Variants in GPR139 observed in about 807,000 individuals in gnomAD.
GPR139 encodes the protein G protein-coupled receptor 139.
GPR139 carries 12 observed loss-of-function variants against 25.8 expected under a neutral mutation model. That is an observed-to-expected ratio of 0.47 (90% CI 0.30 to 0.75). GPR139 has a LOEUF of 0.75. Among genes scored for constraint, GPR139 ranks in the 30% least tolerant of loss-of-function variants. The pLI, the probability that GPR139 is intolerant of heterozygous loss-of-function variation, is 0.07. For synonymous variants in GPR139, 184 were observed against 179.9 expected (o/e 1.02, Z -0.18); for missense variants, 380 against 450.2 (o/e 0.84, Z 1.41).
intron 1 of GPR139, among the ~76,000 whole-genome samples, chr16:20,041,834 G>A (rs1276222774): frequency 6.6e-6 from 1 of 152,198 alleles, no homozygotes; most frequent in Non-Finnish European, 1.5e-5. Flanking sequence ...GGTTAGTAGA[G>A]GCACGAAGCT....
intron 1 of GPR139, among the ~76,000 whole-genome samples, chr16:20,040,874 G>A (rs1464960508): frequency 2.6e-5 from 4 of 152,044 alleles, no homozygotes; most frequent in African/African-American, 7.2e-5. Context: ...GGGGTCTTAA[G>A]AATAGGAAAG....
At chr16:20,041,881 A>G (rs2057337892) in intron 1 of GPR139, among the ~76,000 whole-genome samples, 1 of 152,058 alleles carries the variant, frequency 6.6e-6, no homozygotes, top group Non-Finnish European at 1.5e-5. Flanking sequence ...AGGCAGTGGT[A>G]CCCTCCTACC....
At chr16:20,062,602 C>T (rs868494143) in intron 1 of GPR139, among the ~76,000 whole-genome samples, 41 of 152,294 alleles carry the variant, frequency 2.7e-4, no homozygotes, top group African/African-American at 9.1e-4. Flanking sequence ...GTGATTTTTG[C>T]TGCATTCTTG....
intron 1 of GPR139, among the ~76,000 whole-genome samples, chr16:20,040,920 C>T (rs1197746835): frequency 2.0e-5 from 3 of 151,908 alleles, no homozygotes; most frequent in Admixed American, 6.6e-5. Flanking sequence ...TTCCTGGAGT[C>T]ACCTTCTACA....
chr16:20,051,759 G>A lies in GPR139; in HGVS notation c.128-19090C>T, dbSNP rs140655720. ...CCAACCTGCTCCAGCTGAGTTCAGCGGGTGAAGGTAGTTTGCTTCCTCATG... is the reference window on the plus strand; with the variant it reads ...CCAACCTGCTCCAGCTGAGTTCAGCAGGTGAAGGTAGTTTGCTTCCTCATG... On this transcript the variant is annotated intron_variant, in intron 1 of 1. Coordinates refer to ENST00000570682, the MANE Select transcript of GPR139 (RefSeq NM_001002911.4). Among the ~76,000 whole-genome samples the A allele has an allele frequency of 3.5e-3, 532 of 152,320 alleles. 4 individuals are homozygous for A. The highest frequency in any genetic ancestry group is 0.02 in the Middle Eastern group (6 of 294).
At chr16:20,066,782 C>T (rs1189564413) in intron 1 of GPR139, among the ~76,000 whole-genome samples, 3 of 152,140 alleles carry the variant, frequency 2.0e-5, no homozygotes, top group Non-Finnish European at 2.9e-5. Context: ...GAACACGTGC[C>T]GAGAATAGTG....
intron 1 of GPR139, among the ~76,000 whole-genome samples, chr16:20,063,893 G>A (rs984646381): frequency 6.6e-6 from 1 of 152,142 alleles, no homozygotes; most frequent in African/African-American, 2.4e-5. Flanking sequence ...AATTTATAAA[G>A]GAAAGAGATT....
Position 20,031,461 on chromosome 16 carries a change from G to T in GPR139, c.*274C>A, listed in dbSNP as rs2057287612. On this transcript the variant is annotated 3_prime_UTR_variant, in exon 2 of 2. Coordinates refer to ENST00000570682, the MANE Select transcript of GPR139 (RefSeq NM_001002911.4). The stretch of plus-strand genomic sequence containing the variant: ...TACTTTGTGTCCTAACTGGTCACAG[G>T]ATGATGACACAAGCTCCAATGGCAT... 4.3e-6 allele frequency: 2 copies of T among 461,748 alleles called. No homozygotes were observed. Among genetic ancestry groups the T allele is most frequent in the Admixed American group, 3.5e-5 (1 of 28,318 alleles). The allele number at this position is 461,748 out of a possible 1,614,324, so 28.6% of individuals were successfully genotyped here.
intron 1 of GPR139, among the ~76,000 whole-genome samples, chr16:20,045,114 C>G (rs745308585): frequency 6.6e-6 from 1 of 151,440 alleles, no homozygotes; most frequent in Non-Finnish European, 1.5e-5. Flanking sequence ...ATTCTCCTGC[C>G]TCAGCCTCCC....
chr16:20,065,877 C>CAAA (rs11307746), intron 1 of GPR139, among the ~76,000 whole-genome samples: 1,707 of 118,780 alleles, frequency 0.014, 33 homozygotes, highest in African/African-American at 0.047. Flanking sequence ...GAGACTATCT[C>CAAA]AAAAAAAAAA....
chr16:20,068,884 T>A (rs556619055), intron 1 of GPR139, among the ~76,000 whole-genome samples: 310 of 103,216 alleles, frequency 3.0e-3, no homozygotes, highest in African/African-American at 0.011. Flanking sequence ...TGCCTTAAAA[T>A]TTTTTTTTTT....
intron 1 of GPR139, among the ~76,000 whole-genome samples, chr16:20,062,256 T>G (rs1456131394): frequency 3.3e-5 from 5 of 152,108 alleles, no homozygotes; most frequent in Non-Finnish European, 7.4e-5. Flanking sequence ...AAATGGGGTT[T>G]TTGGGAATTG....
chr16:20,065,189 A>G (rs1205728660), intron 1 of GPR139, among the ~76,000 whole-genome samples: 1 of 152,184 alleles, frequency 6.6e-6, no homozygotes, highest in Non-Finnish European at 1.5e-5. Flanking sequence ...TTGGCTCACA[A>G]AGTGCTGGCT....
intron 1 of GPR139, among the ~76,000 whole-genome samples, chr16:20,040,167 G>A (rs114255426): frequency 1.3e-5 from 2 of 152,184 alleles, no homozygotes; most frequent in South Asian, 4.1e-4. Context: ...AAGCTCCCAA[G>A]TGGGTGTAGT....
rs953337163 is a variant in GPR139, at chr16:20,029,556, G to A, written c.*2179C>T. Reference sequence around the variant, plus strand: ...TCCATTCATAAGGGGGTGTAGTGGCGTTGCATCACACACACATTTAATGAA... The same window carrying A: ...TCCATTCATAAGGGGGTGTAGTGGCATTGCATCACACACACATTTAATGAA... On this transcript the variant is annotated 3_prime_UTR_variant, in exon 2 of 2. Coordinates refer to ENST00000570682, the MANE Select transcript of GPR139 (RefSeq NM_001002911.4). Among the ~76,000 whole-genome samples the A allele has an allele frequency of 2.6e-5, 4 of 151,846 alleles. No homozygotes were observed. The highest frequency in any genetic ancestry group is 7.2e-5 in the African/African-American group (3 of 41,406).
At chr16:20,041,560 A>T (rs894450704) in intron 1 of GPR139, among the ~76,000 whole-genome samples, 14 of 151,906 alleles carry the variant, frequency 9.2e-5, no homozygotes, top group African/African-American at 3.4e-4. Context: ...CCTGGGATGG[A>T]GGAAGGGTAA....
chr16:20,041,136 G>T (rs560566371), intron 1 of GPR139, among the ~76,000 whole-genome samples: 2 of 430 alleles, frequency 4.7e-3, no homozygotes, highest in Non-Finnish European at 0.015. Context: ...GAAAGGAGAG[G>T]AGAGGAGAGG....
chr16:20,029,398 C>A lies in GPR139; in HGVS notation c.*2337G>T, dbSNP rs989797772. 2.6e-5 allele frequency among the ~76,000 whole-genome samples: 4 copies of A among 151,764 alleles called. No individual in the cohort carries two copies. Among genetic ancestry groups the A allele is most frequent in the African/African-American group, 9.7e-5 (4 of 41,308 alleles). On this transcript the variant is annotated 3_prime_UTR_variant, in exon 2 of 2. Transcript: ENST00000570682. ...ACATTCTCAAAAAGGAATTGCTTAA[C>A]CTTTGTAGATATTGCACTTTGACTC...
chr16:20,070,738 T>C (rs780650344), intron 1 of GPR139, among the ~76,000 whole-genome samples: 2 of 152,244 alleles, frequency 1.3e-5, no homozygotes, highest in Non-Finnish European at 2.9e-5. Context: ...GAATAGTGAT[T>C]CAATTAAAAT....
Sources: allele counts gnomAD v4.1 joint callset (sites outside exome capture counted in the v4.1 genomes callset), GRCh38; gene constraint gnomAD v4.1.1; transcripts MANE v1.5; gene names NCBI Gene and HGNC (gene_info 2026-07-23, HGNC 2026-07-21).